The following DISP1 variants were observed in gnomAD, a reference collection of about 807,000 sequenced individuals.
The protein encoded by DISP1 is protein dispatched homolog 1.
A neutral mutation model predicts 37.3 loss-of-function variants in DISP1; 30 were observed. The ratio of observed to expected loss-of-function variants is 0.80; its 90% CI spans 0.60 to 1.09. The LOEUF (loss-of-function observed/expected upper bound fraction) is 1.09. Ranked by LOEUF, DISP1 falls within the 50% of genes least tolerant of loss-of-function variation. The pLI, the probability that DISP1 is intolerant of heterozygous loss-of-function variation, is 0.00. For missense variants in DISP1, 1,598 were observed against 1,879.5 expected (o/e 0.85, Z 2.77); for synonymous variants, 634 against 690.2 (o/e 0.92, Z 1.28).
In DISP1 at chr1:223,003,793, G is replaced by A. The variant is rs1679666409; in HGVS notation, c.2396G>A (p.Gly799Asp). ...VIWGVSPEDN[G>D]NPLNPKSKGK... ...TGGGGCGTGTCCCCAGAAGACAATG[G>A]CAACCCACTAAATCCCAAGAGTAAA... The change falls in exon 9 of 9, where the codon GGC (glycine) becomes GAC (aspartate). Residue 799 changes from glycine to aspartate, a missense_variant. By Grantham distance (94) the Gly-to-Asp change is moderately conservative. Transcript: ENST00000675850. This position sits in a 1 kb window ranked among gnomAD's most constrained non-coding sequence, Gnocchi z 4.3. 6.2e-7 allele frequency: 1 copy of A among 1,614,036 alleles called. No homozygotes were observed. The highest frequency in any genetic ancestry group is 8.5e-7 in the Non-Finnish European group (1 of 1,180,038).
At chr1:222,936,644 T>TATATATATCTCTCATATATATGAGAG (rs1558339244) in intron 2 of DISP1, among the ~76,000 whole-genome samples, 2 of 112,192 alleles carry the variant, frequency 1.8e-5, no homozygotes, top group African/African-American at 3.5e-5. Context: ...ATATATGAGA[T>TATATATATCTCTCATATATATGAGAG]ATATATATCT....
Position 222,921,572 on chromosome 1 carries a change from T to C in DISP1, c.-158-6858T>C, listed in dbSNP as rs573423276. 3.9e-5 allele frequency among the ~76,000 whole-genome samples: 6 copies of C among 152,294 alleles called. No individual in the cohort carries two copies. In the South Asian group the frequency reaches 1.2e-3, roughly 32 times the overall value. On this transcript the variant is annotated intron_variant, in intron 1 of 8. Transcript: ENST00000675850. ...TCATTCCTTATTATTCAGTAGCAGTTTAGTATTCAGAATTTAAAAGCTGAG... is the reference window on the plus strand; with the variant it reads ...TCATTCCTTATTATTCAGTAGCAGTCTAGTATTCAGAATTTAAAAGCTGAG...
Position 222,904,160 on chromosome 1 carries a change from G to T in DISP1, c.-158-24270G>T, listed in dbSNP as rs139038462. On this transcript the variant is annotated intron_variant, in intron 1 of 8. Transcript: ENST00000675850. ...ATATTCTCATGTCCATTATGTAAAG[G>T]TTTAGACATCTTTTAAAACCAGTAC... 4.2e-3 allele frequency among the ~76,000 whole-genome samples: 633 copies of T among 152,220 alleles called. 13 individuals carry two copies. Among genetic ancestry groups the T allele is most frequent in the Admixed American group, 0.018 (273 of 15,284 alleles).
chr1:222,958,985 A>G (rs1675826407), intron 3 of DISP1, among the ~76,000 whole-genome samples: 2 of 152,260 alleles, frequency 1.3e-5, no homozygotes, highest in South Asian at 4.1e-4. Context: ...TTTAGATTGC[A>G]TAATATTTAA....
intron 1 of DISP1, among the ~76,000 whole-genome samples, chr1:222,877,404 C>T (rs1670027615): frequency 6.6e-6 from 1 of 152,148 alleles, no homozygotes; most frequent in Non-Finnish European, 1.5e-5. Flanking sequence ...ATTTATAAAA[C>T]CATCAGATCT....
chr1:222,980,586 T>C (rs1047823906), intron 3 of DISP1, among the ~76,000 whole-genome samples: 1 of 152,242 alleles, frequency 6.6e-6, no homozygotes, highest in African/African-American at 2.4e-5. Flanking sequence ...CAACACGCAC[T>C]GATCTGACAT....
At chr1:222,973,783 A>G (rs1677121362) in intron 3 of DISP1, among the ~76,000 whole-genome samples, 1 of 152,188 alleles carries the variant, frequency 6.6e-6, no homozygotes. Flanking sequence ...TTCACAAGCA[A>G]TACCTCATAG....
At position 223,005,344 on chromosome 1, in the gene DISP1, A is replaced by G. The variant is rs1032335954; in HGVS notation, c.3947A>G (p.Lys1316Arg). The G allele has an allele frequency of 1.2e-6, 2 of 1,613,578 alleles. No individual in the cohort carries two copies. Among genetic ancestry groups the G allele is most frequent in the Admixed American group, 1.7e-5 (1 of 60,030 alleles). Residue 1316 changes from lysine (K) to arginine (R), a missense_variant, in exon 9 of 9, where the codon AAG (lysine) becomes AGG (arginine). Transcript: ENST00000675850. ...ATCCAAAACGGCGTGGCACCTCTGA[A>G]GGCCACACACCAAGCTGTCGAGGGC... The part of the protein sequence containing the change: ...VQIQNGVAPL[K>R]ATHQAVEGFV...
chr1:222,982,588 AG>A (rs1677913913), intron 3 of DISP1, among the ~76,000 whole-genome samples: 1 of 152,212 alleles, frequency 6.6e-6, no homozygotes, highest in South Asian at 2.1e-4. Flanking sequence ...TTGTGAAGTT[AG>A]ATATTAAGAA....
intron 2 of DISP1, among the ~76,000 whole-genome samples, chr1:222,936,901 TATATA>T (rs1673910245): frequency 1.1e-5 from 1 of 90,560 alleles, no homozygotes; most frequent in South Asian, 2.7e-4. Flanking sequence ...ATATTATTTA[TATATA>T]ATATATTATA....
At chr1:222,847,404 C>T (rs1667973224) in intron 1 of DISP1, among the ~76,000 whole-genome samples, 1 of 152,120 alleles carries the variant, frequency 6.6e-6, no homozygotes, top group Admixed American at 6.5e-5. Context: ...TTGCTATGAA[C>T]ACATCATTTC....
chr1:222,839,301 A>G (rs1667446990), intron 1 of DISP1, among the ~76,000 whole-genome samples: 1 of 152,180 alleles, frequency 6.6e-6, no homozygotes, highest in Non-Finnish European at 1.5e-5. Flanking sequence ...ATGAGAATCT[A>G]ATGCCCGATG....
In DISP1 at chr1:223,005,908, A is replaced by G. The variant is rs769713960; in HGVS notation, c.4511A>G (p.Asn1504Ser). ...VDCQMPNMEA[N>S]VPAVLTHSEL... Reference sequence around the variant, plus strand: ...TGTCAAATGCCAAACATGGAAGCCAATGTGCCTGCTGTATTAACACACTCG... The same window carrying G: ...TGTCAAATGCCAAACATGGAAGCCAGTGTGCCTGCTGTATTAACACACTCG... Residue 1504 changes from asparagine (N) to serine (S), a missense_variant, in exon 9 of 9, where the codon AAT becomes AGT. Transcript: ENST00000675850. The G allele has an allele frequency of 5.0e-6, 8 of 1,614,192 alleles. No homozygotes were observed. The highest frequency in any genetic ancestry group is 6.8e-6 in the Non-Finnish European group (8 of 1,180,048).
chr1:223,004,382 A>T lies in DISP1; in HGVS notation c.2985A>T (p.Ala995=). Residue 995 remains alanine, a synonymous_variant, in exon 9 of 9, where the codon GCA becomes GCT. Coordinates refer to ENST00000675850, the MANE Select transcript of DISP1 (RefSeq NM_001377229.1). The surrounding 1 kb of genome is among the most constrained non-coding windows in gnomAD (Gnocchi z 4.9). ...LIAMGLSVAV[A]FSVMLLTTWN... is the part of the protein sequence containing the mutation. ...CCATGGGGCTGTCAGTTGCTGTTGCATTTAGCGTGATGCTGCTGACAACTT... is the reference window on the plus strand; with the variant it reads ...CCATGGGGCTGTCAGTTGCTGTTGCTTTTAGCGTGATGCTGCTGACAACTT... The T allele has an allele frequency of 6.2e-7, 1 of 1,614,142 alleles. No homozygotes were observed. The highest frequency in any genetic ancestry group is 8.5e-7 in the Non-Finnish European group (1 of 1,180,026).
intron 1 of DISP1, among the ~76,000 whole-genome samples, chr1:222,824,640 A>G (rs763008660): frequency 2.0e-5 from 3 of 152,156 alleles, no homozygotes; most frequent in South Asian, 2.1e-4. Context: ...GGATGGTACC[A>G]TAATTAATGT....
chr1:222,885,063 C>G (rs1432133100), intron 1 of DISP1, among the ~76,000 whole-genome samples: 1 of 152,006 alleles, frequency 6.6e-6, no homozygotes, highest in Non-Finnish European at 1.5e-5. Context: ...CTCCTGACCT[C>G]GTGATCCGCC....
intron 8 of DISP1, among the ~76,000 whole-genome samples, chr1:222,999,959 C>T (rs1212154116): frequency 6.6e-6 from 1 of 152,166 alleles, no homozygotes; most frequent in Non-Finnish European, 1.5e-5. Flanking sequence ...TAATAGCAGC[C>T]ATCAAAATAG....
intron 1 of DISP1, among the ~76,000 whole-genome samples, chr1:222,882,215 T>A (rs1670321710): frequency 6.6e-6 from 1 of 152,198 alleles, no homozygotes; most frequent in South Asian, 2.1e-4. Context: ...TATGTATTCA[T>A]GTTGTGAGAT....
At chr1:222,831,320 T>TA (rs1665684915) in intron 1 of DISP1, among the ~76,000 whole-genome samples, 1 of 152,200 alleles carries the variant, frequency 6.6e-6, no homozygotes, top group Non-Finnish European at 1.5e-5. Context: ...AAACGATATG[T>TA]AAAAAATGGG....
Sources: allele counts gnomAD v4.1 joint callset (sites outside exome capture counted in the v4.1 genomes callset), GRCh38; gene constraint gnomAD v4.1.1; non-coding constraint Gnocchi (gnomAD v3.1); transcripts MANE v1.5; gene names NCBI Gene and HGNC (gene_info 2026-07-23, HGNC 2026-07-21).